FAM107B: variants seen among roughly 807,000 people sequenced by gnomAD.
The protein encoded by FAM107B is family with sequence similarity 107 member B.
Under a neutral mutation model 31.5 loss-of-function variants are expected in FAM107B, and 21 were observed. The ratio of observed to expected loss-of-function variants is 0.67; its 90% CI spans 0.47 to 0.96. The LOEUF is 0.96. Among genes scored for constraint, FAM107B ranks in the 40% least tolerant of loss-of-function variants. FAM107B has a pLI of 0.00. For synonymous variants in FAM107B, 157 were observed against 141.5 expected (o/e 1.11, Z -0.78); for missense variants, 452 against 377.1 (o/e 1.20, Z -1.64).
chr10:14,753,001 A>G (rs901546173), intron 1 of FAM107B, among the ~76,000 whole-genome samples: 5 of 152,182 alleles, frequency 3.3e-5, no homozygotes, highest in Admixed American at 1.3e-4. Flanking sequence ...AAATGCCAAG[A>G]CTGAGTAATT....
Position 14,774,708 on chromosome 10 carries a change from T to G in FAM107B, c.-45A>C, listed in dbSNP as rs1490544368. ...CAAAGTTCAAACGGGGCAAGGAAAT[T>G]TTCCAGGGGTCCACATCACCTCCAC... On this transcript the variant is annotated 5_prime_UTR_variant, in exon 1 of 5. Transcript: ENST00000181796. 6.4e-7 allele frequency: 1 copy of G among 1,572,912 alleles called. No homozygotes were observed.
chr10:14,534,068 C>T (rs961156389), intron 2 of FAM107B, among the ~76,000 whole-genome samples: 1 of 152,176 alleles, frequency 6.6e-6, no homozygotes, highest in African/African-American at 2.4e-5. Flanking sequence ...AACACAGGGG[C>T]AAACATCTTC....
In FAM107B at chr10:14,526,724, T is replaced by C. The variant is rs200502534; in HGVS notation, c.653+3608A>G. Among the ~76,000 whole-genome samples, 22 of 152,298 alleles carry C rather than the reference T, an allele frequency of 1.4e-4. No individual in the cohort carries two copies. The East Asian group carries it at 3.1e-3, about 21-fold the overall frequency. On this transcript the variant is annotated intron_variant, in intron 3 of 4. Transcript: ENST00000181796. ...GAACAAGAAGCCACTGACTTCAAAA[T>C]ATACAAGCCAAAGAACCAATTTTAG...
intron 2 of FAM107B, among the ~76,000 whole-genome samples, chr10:14,533,936 G>T (rs56839544): frequency 3.9e-5 from 6 of 152,038 alleles, no homozygotes; most frequent in South Asian, 4.1e-4. Flanking sequence ...AGGAGGGGGG[G>T]GCTGCGGTTG....
chr10:14,663,666 G>A (rs925533005), intron 2 of FAM107B, among the ~76,000 whole-genome samples: 7 of 152,014 alleles, frequency 4.6e-5, no homozygotes, highest in Admixed American at 2.6e-4. Context: ...ACCTGATTCC[G>A]GGAAAGGCAC....
intron 2 of FAM107B, among the ~76,000 whole-genome samples, chr10:14,613,816 C>T (rs547780816): frequency 8.5e-5 from 13 of 152,284 alleles, no homozygotes; most frequent in East Asian, 1.9e-4. Flanking sequence ...CAAAGCTGGA[C>T]GACTGGCTTT....
intron 2 of FAM107B, among the ~76,000 whole-genome samples, chr10:14,600,279 A>G (rs1347545757): frequency 6.6e-6 from 1 of 152,210 alleles, no homozygotes; most frequent in Non-Finnish European, 1.5e-5. Context: ...TACCTTCAGC[A>G]AGGACACTGG....
chr10:14,580,083 G>T (rs1233583825), intron 2 of FAM107B, among the ~76,000 whole-genome samples: 1 of 151,986 alleles, frequency 6.6e-6, no homozygotes, highest in South Asian at 2.1e-4. Context: ...AGCCAGGCTG[G>T]GTGCGGTGGC....
chr10:14,711,022 C>T (rs1042042674), intron 1 of FAM107B, among the ~76,000 whole-genome samples: 1 of 152,234 alleles, frequency 6.6e-6, no homozygotes, highest in East Asian at 1.9e-4. Flanking sequence ...AAGTGATTCT[C>T]CTGCCTCAGC....
At chr10:14,651,322 A>G (rs899354370) in intron 2 of FAM107B, among the ~76,000 whole-genome samples, 1 of 152,188 alleles carries the variant, frequency 6.6e-6, no homozygotes, top group Admixed American at 6.5e-5. Context: ...ATATCCACAC[A>G]TGGCTGGGCG....
chr10:14,532,055 G>T (rs1185550163), intron 2 of FAM107B, among the ~76,000 whole-genome samples: 1 of 152,158 alleles, frequency 6.6e-6, no homozygotes, highest in Non-Finnish European at 1.5e-5. Context: ...GTCCTTTACT[G>T]CTAATCCTTC....
chr10:14,604,321 G>A (rs1053368572), intron 2 of FAM107B: 2 of 952,948 alleles, frequency 2.1e-6, no homozygotes, highest in Admixed American at 6.4e-5. Flanking sequence ...CCGACTGCTC[G>A]GCGGCGGCCC....
intron 2 of FAM107B, among the ~76,000 whole-genome samples, chr10:14,598,512 T>C (rs571538711): frequency 6.6e-6 from 1 of 152,102 alleles, no homozygotes; most frequent in Admixed American, 6.5e-5. Flanking sequence ...ACTCATAGAC[T>C]TGAAGAGTGG....
At chr10:14,635,759 G>A (rs998496704) in intron 2 of FAM107B, among the ~76,000 whole-genome samples, 4 of 152,032 alleles carry the variant, frequency 2.6e-5, no homozygotes, top group African/African-American at 9.7e-5. Flanking sequence ...AGCCTCCCAA[G>A]TAGCTTGGAT....
At chr10:14,544,214 G>C (rs113425621) in intron 2 of FAM107B, among the ~76,000 whole-genome samples, 6 of 152,240 alleles carry the variant, frequency 3.9e-5, no homozygotes, top group African/African-American at 1.4e-4. Flanking sequence ...AAAAAATCAA[G>C]ACCCTTGAAC....
At chr10:14,717,138 A>C (rs1855798392) in intron 1 of FAM107B, among the ~76,000 whole-genome samples, 1 of 152,114 alleles carries the variant, frequency 6.6e-6, no homozygotes, top group South Asian at 2.1e-4. Context: ...CATGGCAACC[A>C]CCCGACAAAG....
At chr10:14,759,480 A>G (rs1832999115) in intron 1 of FAM107B, among the ~76,000 whole-genome samples, 1 of 152,130 alleles carries the variant, frequency 6.6e-6, no homozygotes, top group Admixed American at 6.5e-5. Context: ...ACCTCAGTTG[A>G]CGCACTTATC....
chr10:14,722,789 C>T (rs1231741398), intron 1 of FAM107B, among the ~76,000 whole-genome samples: 1 of 152,020 alleles, frequency 6.6e-6, no homozygotes, highest in East Asian at 1.9e-4. Context: ...TTGATGGAGC[C>T]TTTTGAAGCA....
intron 1 of FAM107B, among the ~76,000 whole-genome samples, chr10:14,668,820 A>G (rs1056298068): frequency 3.9e-5 from 6 of 152,164 alleles, no homozygotes; most frequent in African/African-American, 1.4e-4. Context: ...CAGGAAGGCT[A>G]CTGTGCTTAC....
Sources: gnomAD v4.1 joint callset for allele counts (sites outside exome capture counted in the v4.1 genomes callset) on GRCh38, gnomAD v4.1.1 for gene constraint, MANE v1.5 for transcripts, NCBI Gene and HGNC (gene_info 2026-07-23, HGNC 2026-07-21) for gene names.